Variants in ADGRV1 observed in about 807,000 individuals in gnomAD.
ADGRV1 encodes adhesion G protein-coupled receptor V1.
Under a neutral mutation model 596.2 loss-of-function variants are expected in ADGRV1, and 359 were observed. That is an observed-to-expected ratio of 0.60 (90% confidence interval 0.55 to 0.66). The LOEUF (loss-of-function observed/expected upper bound fraction) is 0.66, where lower values mean the gene tolerates loss of function less well. Among genes scored for constraint, ADGRV1 ranks in the 30% least tolerant of loss-of-function variants. The pLI, the probability that ADGRV1 is intolerant of heterozygous loss-of-function variation, is 0.00. For synonymous variants in ADGRV1, 2,681 were observed against 2,679.2 expected (o/e 1.00, Z -0.02); for missense variants, 7,274 against 7,575.6 (o/e 0.96, Z 1.48).
At position 90,965,461 on chromosome 5, in the gene ADGRV1, A is replaced by C. The variant is rs748220397; in HGVS notation, c.17903A>C (p.Glu5968Ala). 6.2e-7 allele frequency: 1 copy of C among 1,613,756 alleles called. No homozygotes were observed. Among genetic ancestry groups the C allele is most frequent in the African/African-American group, 1.3e-5 (1 of 74,930 alleles). ...SAYASPQLAE[E>A]SCSAMAAVTH... Reference sequence around the variant, plus strand: ...TACGCAAGTCCCCAACTCGCTGAGGAGAGCTGTTCAGCTATGGCTGCTGTC... The same window carrying C: ...TACGCAAGTCCCCAACTCGCTGAGGCGAGCTGTTCAGCTATGGCTGCTGTC... The change falls in exon 84 of 90, where the codon GAG becomes GCG. Residue 5968 changes from glutamate (E) to alanine (A), a missense_variant. Transcript: ENST00000405460.
intron 64 of ADGRV1, chr5:90,781,062 C>G (rs1019265444): frequency 4.7e-6 from 1 of 214,742 alleles, no homozygotes; most frequent in African/African-American, 2.3e-5. Flanking sequence ...ACTTACCTAT[C>G]TCTGAGTGCA....
Position 90,644,729 on chromosome 5 carries a change from C to A in ADGRV1, c.2758C>A (p.Arg920=), listed in dbSNP as rs1016685696. The change falls in exon 15 of 90, where the codon CGA becomes AGA. Residue 920 remains arginine (R), a synonymous_variant. Transcript: ENST00000405460. ...YSAVYDVVRN[R]GNFGDVSVSW... ...AGCTGTTTATGATGTAGTAAGAAAT[C>A]GAGGCAACTTTGGTGATGTTAGTGT... The A allele has an allele frequency of 6.2e-7, 1 of 1,609,160 alleles. No individual in the cohort carries two copies. The highest frequency in any genetic ancestry group is 1.3e-5 in the African/African-American group (1 of 74,764).
At chr5:90,977,636 A>C (rs1394862874) in intron 84 of ADGRV1, among the ~76,000 whole-genome samples, 1 of 152,190 alleles carries the variant, frequency 6.6e-6, no homozygotes, top group African/African-American at 2.4e-5. Context: ...CAATCAAAAC[A>C]CTTAACAAGA....
chr5:90,891,552 A>G (rs1007746855), intron 83 of ADGRV1, among the ~76,000 whole-genome samples: 2 of 151,962 alleles, frequency 1.3e-5, no homozygotes, highest in African/African-American at 4.8e-5. Context: ...CAAAAAGGAG[A>G]AACTTTTTCA....
chr5:90,593,752 A>G (rs1021561777), intron 1 of ADGRV1, among the ~76,000 whole-genome samples: 1 of 152,156 alleles, frequency 6.6e-6, no homozygotes, highest in Non-Finnish European at 1.5e-5. Context: ...AAAAATATGT[A>G]GTATTCAAAG....
At chr5:90,987,427 G>A (rs553609821) in intron 85 of ADGRV1, among the ~76,000 whole-genome samples, 1 of 137,866 alleles carries the variant, frequency 7.3e-6, no homozygotes, top group Non-Finnish European at 1.5e-5. Flanking sequence ...CCAAGATCAC[G>A]CCACTGCACT....
chr5:90,595,644 G>A (rs1383413324), intron 1 of ADGRV1, among the ~76,000 whole-genome samples: 46 of 129,274 alleles, frequency 3.6e-4, no homozygotes, highest in African/African-American at 4.5e-4. Flanking sequence ...CGGACGGGGC[G>A]GCTGGCCGGG....
chr5:90,663,702 A>G (rs1414460661), intron 21 of ADGRV1, among the ~76,000 whole-genome samples: 2 of 152,154 alleles, frequency 1.3e-5, no homozygotes, highest in Non-Finnish European at 2.9e-5. Flanking sequence ...CTGTGTCCTG[A>G]ATGGTAATGC....
At chr5:90,668,352 T>A (rs973158557) in intron 21 of ADGRV1, among the ~76,000 whole-genome samples, 16 of 150,062 alleles carry the variant, frequency 1.1e-4, no homozygotes, top group Admixed American at 7.3e-4. Context: ...TGCAGTATTC[T>A]GGTGGGAGTG....
At chr5:91,094,682 A>G (rs887166631) in intron 86 of ADGRV1, among the ~76,000 whole-genome samples, 8 of 152,182 alleles carry the variant, frequency 5.3e-5, no homozygotes, top group Admixed American at 2.6e-4. Context: ...CAGCATATGA[A>G]GGAAAATGGG....
intron 1 of ADGRV1, among the ~76,000 whole-genome samples, chr5:90,605,672 CAA>C (rs965574729): frequency 6.6e-6 from 1 of 151,892 alleles, no homozygotes; most frequent in Non-Finnish European, 1.5e-5. Flanking sequence ...AACTCTCACA[CAA>C]ATATAAAATG....
intron 75 of ADGRV1, among the ~76,000 whole-genome samples, chr5:90,822,601 C>T (rs1268316911): frequency 3.9e-5 from 6 of 152,088 alleles, no homozygotes; most frequent in Non-Finnish European, 5.9e-5. Flanking sequence ...AGGACTGACT[C>T]GGCGATGCGG....
rs570673511 is a variant in ADGRV1 at position 90,783,169 on chromosome 5, A to G, written c.13277A>G (p.His4426Arg). The change falls in exon 66 of 90, where the codon CAT becomes CGT. Residue 4426 changes from histidine to arginine, a missense_variant. This residue lies in a region of ADGRV1 where 3,643 missense variants were observed against 3,809.2 expected (regional missense o/e 0.96). Transcript: ENST00000405460. ...ATCATGATCCCAGTGGTGAGGCTAC[A>G]TGGAACTTATGGCTATGTGACAGCT... is the stretch of plus-strand genomic sequence containing the variant. ...GLIMIPVVRLHGTYGYVTADF... is the reference protein window; with the variant it reads ...GLIMIPVVRLRGTYGYVTADF... The G allele has an allele frequency of 1.2e-6, 2 of 1,613,562 alleles. No individual in the cohort carries two copies. The highest frequency in any genetic ancestry group is 2.2e-5 in the South Asian group (2 of 91,076).
Position 90,724,777 on chromosome 5 carries a change from T to C in ADGRV1, c.9749-55T>C, listed in dbSNP as rs1580883845. The C allele has an allele frequency of 5.5e-6, 8 of 1,462,002 alleles. No individual in the cohort carries two copies. In the South Asian group the frequency reaches 9.3e-5, roughly 17 times the overall value. The allele number at this position is 1,462,002 out of a possible 1,614,324, so 90.6% of individuals were successfully genotyped here. A position where few individuals can be genotyped will look rare whatever the true frequency, so the allele number is the denominator to read the frequency against. The stretch of plus-strand genomic sequence containing the variant: ...TCATTGTTTAAACAATAAATTAGAA[T>C]AGATAAGTTTTTGAAGGAGTAATAA... On this transcript the variant is annotated intron_variant, in intron 45 of 89. Coordinates refer to ENST00000405460, the MANE Select transcript of ADGRV1 (RefSeq NM_032119.4).
At chr5:91,149,771 G>A (rs545491273) in intron 87 of ADGRV1, among the ~76,000 whole-genome samples, 4 of 139,342 alleles carry the variant, frequency 2.9e-5, no homozygotes, top group Non-Finnish European at 6.0e-5. Context: ...AGGCAGAAGT[G>A]CAGTGAGCCA....
rs1446694263 is a variant in ADGRV1, at chr5:90,840,605, C to T, written c.16639C>T (p.Arg5547Cys). Residue 5547 changes from arginine (R) to cysteine (C), a missense_variant, in exon 78 of 90, where the codon CGT becomes TGT. By Grantham distance (180) the Arg-to-Cys change is radical. This residue lies in a region of ADGRV1 where 1,874 missense variants were observed against 1,970.2 expected (regional missense o/e 0.95). Coordinates refer to ENST00000405460, the MANE Select transcript of ADGRV1 (RefSeq NM_032119.4). Reference protein sequence around the residue: ...QELRSAETIGRTIISPAISGK... With the variant: ...QELRSAETIGCTIISPAISGK... Reference sequence around the variant, plus strand: ...GTTGAGGAGTGCTGAAACAATTGGTCGTACCATCATATCTCCAGCTATTTC... The same window carrying T: ...GTTGAGGAGTGCTGAAACAATTGGTTGTACCATCATATCTCCAGCTATTTC... 1.2e-5 allele frequency: 20 copies of T among 1,610,272 alleles called. No individual in the cohort carries two copies. Among genetic ancestry groups the T allele is most frequent in the Middle Eastern group, 1.6e-4 (1 of 6,066 alleles).
intron 89 of ADGRV1, among the ~76,000 whole-genome samples, chr5:91,155,077 C>G (rs1266031841): frequency 6.6e-6 from 1 of 152,072 alleles, no homozygotes; most frequent in Non-Finnish European, 1.5e-5. Context: ...ATAACCTTTG[C>G]TAGATATTGC....
At chr5:90,777,685 A>G (rs915787738) in intron 61 of ADGRV1, among the ~76,000 whole-genome samples, 3 of 152,138 alleles carry the variant, frequency 2.0e-5, no homozygotes, top group Non-Finnish European at 4.4e-5. Context: ...TTTTGCTTGT[A>G]TTCCTGTCAA....
In ADGRV1 at chr5:90,685,982, A is replaced by G. The variant is rs1469741192; in HGVS notation, c.6477A>G (p.Ile2159Met). Residue 2159 changes from isoleucine to methionine, a missense_variant, in exon 29 of 90, where the codon ATA becomes ATG. Ile to Met is a conservative substitution (Grantham distance 10). This residue lies in a region of ADGRV1 where 3,643 missense variants were observed against 3,809.2 expected (regional missense o/e 0.96). Coordinates refer to ENST00000405460, the MANE Select transcript of ADGRV1 (RefSeq NM_032119.4). ...DVSVKFKAVP[I>M]TAIAGEDYSI... ...CTGTGAAGTTTAAAGCTGTGCCAAT[A>G]ACTGCAATAGCTGGTAAGAAAAGAC... 1.3e-6 allele frequency: 2 copies of G among 1,584,150 alleles called. No individual in the cohort carries two copies. The highest frequency in any genetic ancestry group is 8.6e-7 in the Non-Finnish European group (1 of 1,162,286).
Sources: allele counts gnomAD v4.1 joint callset (sites outside exome capture counted in the v4.1 genomes callset), GRCh38; gene constraint gnomAD v4.1.1; regional missense constraint gnomAD v4.1.1; transcripts MANE v1.5; gene names NCBI Gene and HGNC (gene_info 2026-07-23, HGNC 2026-07-21).